Variants in DNAH14 observed in about 807,000 individuals in gnomAD.
DNAH14 encodes the protein axonemal beta dynein heavy chain 14.
A neutral mutation model predicts 520.9 loss-of-function variants in DNAH14; 478 were observed. The observed-to-expected ratio is 0.92, with a 90% confidence interval of 0.85 to 0.99. DNAH14 has a LOEUF of 0.99. DNAH14 is among the 50% of genes least tolerant of loss of function. The pLI is 0.00. For missense variants in DNAH14, 4,831 were observed against 5,234.5 expected (o/e 0.92, Z 2.38); for synonymous variants, 1,581 against 1,757.2 (o/e 0.90, Z 2.51).
At chr1:224,945,596 C>G (rs2059750786) in intron 1 of DNAH14, among the ~76,000 whole-genome samples, 1 of 152,230 alleles carries the variant, frequency 6.6e-6, no homozygotes, top group Admixed American at 6.5e-5. Context: ...TTTTTCTGCT[C>G]TGTTTTTTCC....
At chr1:225,230,981 A>T in intron 41 of DNAH14, 92 bp from the exon 42 acceptor site, 1 of 782,716 alleles carries the variant, frequency 1.3e-6, no homozygotes, top group African/African-American at 1.8e-5. Flanking sequence ...TAATTCACTA[A>T]CTAAACAATG....
intron 8 of DNAH14, among the ~76,000 whole-genome samples, chr1:224,988,009 T>C (rs956638990): frequency 6.6e-6 from 1 of 152,100 alleles, no homozygotes; most frequent in Non-Finnish European, 1.5e-5. Context: ...CACCTAGGTA[T>C]TAAGCCCAGC....
At chr1:225,372,859 C>T (rs1014387653) in intron 77 of DNAH14, among the ~76,000 whole-genome samples, 1 of 151,880 alleles carries the variant, frequency 6.6e-6, no homozygotes, top group Admixed American at 6.6e-5. Context: ...AAAAGACCAA[C>T]AAGCCAAAGG....
At chr1:225,368,081 C>A in intron 77 of DNAH14, 49 bp downstream of exon 77, 1 of 1,426,592 alleles carries the variant, frequency 7.0e-7, no homozygotes, top group Non-Finnish European at 9.5e-7. Context: ...CAATAAGATA[C>A]AAATTGAGAG....
chr1:225,342,331 A>G (rs2095203826), intron 69 of DNAH14, among the ~76,000 whole-genome samples: 1 of 152,200 alleles, frequency 6.6e-6, no homozygotes, highest in African/African-American at 2.4e-5. Flanking sequence ...ATTAAAAACA[A>G]AACAAATAAA....
chr1:224,987,436 T>C (rs1425131407), intron 8 of DNAH14, among the ~76,000 whole-genome samples: 2 of 152,204 alleles, frequency 1.3e-5, no homozygotes, highest in African/African-American at 4.8e-5. Flanking sequence ...TAGCAAATAC[T>C]ACGGACTGGA....
intron 3 of DNAH14, among the ~76,000 whole-genome samples, chr1:224,959,009 C>T (rs963852647): frequency 6.6e-5 from 10 of 152,012 alleles, no homozygotes; most frequent in Admixed American, 5.9e-4. Flanking sequence ...AGTGTTAAAA[C>T]AAGCTCACTT....
intron 61 of DNAH14, among the ~76,000 whole-genome samples, chr1:225,319,252 G>C (rs566263959): frequency 5.3e-5 from 8 of 152,128 alleles, no homozygotes. Context: ...TGATTGAAGA[G>C]AATACATAAG....
At chr1:225,163,431 G>A (rs555212699) in intron 35 of DNAH14, among the ~76,000 whole-genome samples, 1 of 152,298 alleles carries the variant, frequency 6.6e-6, no homozygotes, top group Admixed American at 6.5e-5. Flanking sequence ...CACTTGTTGT[G>A]TGCCAGATCT....
intron 43 of DNAH14, among the ~76,000 whole-genome samples, chr1:225,249,928 A>T (rs908693305): frequency 2.0e-5 from 3 of 152,242 alleles, no homozygotes; most frequent in Non-Finnish European, 4.4e-5. Flanking sequence ...TAATTTGCTG[A>T]ATAGTATTCC....
chr1:225,160,173 T>C (rs1238756399), intron 35 of DNAH14, among the ~76,000 whole-genome samples: 1 of 152,212 alleles, frequency 6.6e-6, no homozygotes, highest in East Asian at 1.9e-4. Flanking sequence ...ATATATCCTG[T>C]TCTTCCTTCC....
intron 8 of DNAH14, among the ~76,000 whole-genome samples, chr1:224,975,913 C>T (rs200452359): frequency 0.054 from 8,260 of 151,840 alleles, 450 homozygotes; most frequent in East Asian, 0.23. Flanking sequence ...CCCAGAGATT[C>T]TGGTATGTTG....
At chr1:224,938,064 G>A (rs531547645) in intron 1 of DNAH14, among the ~76,000 whole-genome samples, 3 of 152,238 alleles carry the variant, frequency 2.0e-5, no homozygotes, top group South Asian at 4.1e-4. Flanking sequence ...ATGGATTAAA[G>A]ACCTGAATCT....
intron 43 of DNAH14, among the ~76,000 whole-genome samples, chr1:225,248,315 A>T (rs778596137): frequency 7.9e-5 from 12 of 152,206 alleles, no homozygotes; most frequent in Non-Finnish European, 1.5e-4. Context: ...GGTAATATAG[A>T]TCAATAGACT....
intron 17 of DNAH14, among the ~76,000 whole-genome samples, chr1:225,064,785 G>T (rs1212926174): frequency 8.6e-5 from 13 of 152,030 alleles, no homozygotes; most frequent in Middle Eastern, 6.8e-3. Flanking sequence ...GATTGGGATG[G>T]GTCACAAGGC....
chr1:225,100,791 A>G lies in DNAH14; in HGVS notation c.3774A>G (p.Lys1258=), dbSNP rs2075379938. ...WKKIMSKIQN[K]QNALQITTSA... is the part of the protein sequence containing the mutation. ...AAATAATGTCAAAAATACAAAACAA[A>G]CAGAATGCTTTGCAGATAACCACTT... The change falls in exon 23 of 86, where the codon AAA becomes AAG. Residue 1258 remains lysine (K), a synonymous_variant. Coordinates refer to ENST00000682510, the MANE Select transcript of DNAH14 (RefSeq NM_001367479.1). 6.5e-7 allele frequency: 1 copy of G among 1,540,776 alleles called. No homozygotes were observed. The highest frequency in any genetic ancestry group is 8.7e-7 in the Non-Finnish European group (1 of 1,143,896).
chr1:225,218,118 G>A (rs1394670062), intron 41 of DNAH14, among the ~76,000 whole-genome samples: 1 of 152,136 alleles, frequency 6.6e-6, no homozygotes, highest in Non-Finnish European at 1.5e-5. Flanking sequence ...GAGAGATTTG[G>A]TCATCACCAG....
chr1:225,081,654 C>T (rs915243165), intron 19 of DNAH14, among the ~76,000 whole-genome samples: 2 of 152,118 alleles, frequency 1.3e-5, no homozygotes, highest in Non-Finnish European at 1.5e-5. Flanking sequence ...TTTAATATGG[C>T]TTTATAAAAG....
intron 42 of DNAH14, among the ~76,000 whole-genome samples, chr1:225,236,336 T>C (rs2091576450): frequency 6.6e-6 from 1 of 152,226 alleles, no homozygotes; most frequent in East Asian, 1.9e-4. Flanking sequence ...TTGTGTGGTT[T>C]TGAGTGAATT....
Sources: gnomAD v4.1 joint callset for allele counts (sites outside exome capture counted in the v4.1 genomes callset) on GRCh38, gnomAD v4.1.1 for gene constraint, MANE v1.5 for transcripts, NCBI Gene and HGNC (gene_info 2026-07-23, HGNC 2026-07-21) for gene names.